RNF185: variants seen among roughly 807,000 people sequenced by gnomAD.
The protein encoded by RNF185 is E3 ubiquitin-protein ligase RNF185.
A neutral mutation model predicts 24.9 loss-of-function variants in RNF185; 13 were observed. That is an observed-to-expected ratio of 0.52 (90% CI 0.34 to 0.83). The LOEUF (loss-of-function observed/expected upper bound fraction) is 0.83, where lower values mean the gene tolerates loss of function less well. RNF185 is among the 40% of genes least tolerant of loss of function. The probability of loss-of-function intolerance (pLI) is 0.01; values close to 1 mark genes in which losing one functional copy is unlikely to be tolerated. For missense variants in RNF185, 184 were observed against 244.7 expected, an observed-to-expected ratio of 0.75 and a Z score of 1.65; for synonymous variants, 79 against 90.3, an observed-to-expected ratio of 0.88 and a Z score of 0.71.
intron 1 of RNF185, among the ~76,000 whole-genome samples, chr22:31,180,981 A>C (rs2048030952): frequency 6.7e-6 from 1 of 149,122 alleles, no homozygotes; most frequent in African/African-American, 2.5e-5. Flanking sequence ...CTGTGTATGG[A>C]TCCACACACA....
intron 3 of RNF185, among the ~76,000 whole-genome samples, chr22:31,193,678 G>A (rs1408486627): frequency 2.0e-5 from 3 of 151,536 alleles, no homozygotes; most frequent in Non-Finnish European, 2.9e-5. Context: ...CCTATAGTCC[G>A]AGCTACTAGG....
rs572669816 is a variant in RNF185 at position 31,189,206 on chromosome 22, T to C, written c.176+1936T>C. On this transcript the variant is annotated intron_variant, in intron 2 of 6. Coordinates refer to ENST00000326132, the MANE Select transcript of RNF185 (RefSeq NM_152267.4). The stretch of plus-strand genomic sequence containing the variant: ...ATTTATTAAATTTTATAATTATAAA[T>C]TTTAAGATTATAAATTATGTATTTT... Among the ~76,000 whole-genome samples the C allele has an allele frequency of 1.7e-3, 259 of 148,596 alleles. 1 individual carries two copies. Among genetic ancestry groups the C allele is most frequent in the South Asian group, 3.6e-3 (17 of 4,758 alleles).
chr22:31,171,002 T>G (rs1370482090), intron 1 of RNF185, among the ~76,000 whole-genome samples: 1 of 152,050 alleles, frequency 6.6e-6, no homozygotes, highest in Non-Finnish European at 1.5e-5. Flanking sequence ...GAGTGGATCC[T>G]GGGCAAAGCC....
At chr22:31,175,453 A>AG (rs11380460) in intron 1 of RNF185, among the ~76,000 whole-genome samples, 1 of 112,832 alleles carries the variant, frequency 8.9e-6, no homozygotes, top group East Asian at 5.9e-4. Context: ...AAACTGTCTC[A>AG]AAAAAAAAAA....
At chr22:31,195,405 G>GCT in intron 3 of RNF185, 64 bp from the exon 4 acceptor site, 1 of 1,096,430 alleles carries the variant, frequency 9.1e-7, no homozygotes, top group Non-Finnish European at 1.3e-6. Flanking sequence ...TGTTCTGGTG[G>GCT]CTCTGGCTGA....
chr22:31,175,274 A>G (rs533500600), intron 1 of RNF185, among the ~76,000 whole-genome samples: 1 of 151,734 alleles, frequency 6.6e-6, no homozygotes, highest in African/African-American at 2.4e-5. Context: ...GCATGGCGAA[A>G]CCCCATCTCT....
rs1420962769 is a variant in RNF185 at position 31,187,322 on chromosome 22, C to G, written c.176+52C>G. 3 of 1,601,160 alleles carry G rather than the reference C, an allele frequency of 1.9e-6. No homozygotes were observed. The African/African-American group carries it at 4.0e-5, about 21-fold the overall frequency. ...GAGCACATTGCCAAGTTTGGAAAGC[C>G]TGTGGCCCTGGGTGGTTTGGAGCAG... On this transcript the variant is annotated intron_variant, in intron 2 of 6. Transcript: ENST00000326132.
At position 31,187,241 on chromosome 22, in the gene RNF185, C is replaced by T. The variant is rs773487097; in HGVS notation, c.147C>T (p.Ala49=). Residue 49 remains alanine (A), a synonymous_variant, in exon 2 of 7, where the codon GCC becomes GCT. Transcript: ENST00000326132. ...TCTGCTTGGACACAGCCAAGGATGC[C>T]GTCATCAGCCTGTGTGGCCACCTCT... The part of the protein sequence containing the change: ...CNICLDTAKD[A]VISLCGHLFC... 31 of 1,613,930 alleles carry T rather than the reference C, an allele frequency of 1.9e-5. No individual in the cohort carries two copies. Among genetic ancestry groups the T allele is most frequent in the South Asian group, 1.3e-4 (12 of 91,068 alleles).
intron 1 of RNF185, among the ~76,000 whole-genome samples, chr22:31,176,199 T>G (rs1212973348): frequency 2.0e-5 from 3 of 152,216 alleles, no homozygotes; most frequent in Admixed American, 6.5e-5. Context: ...TTGACCTCTT[T>G]TTTTGGTATC....
chr22:31,165,980 A>G lies in RNF185; in HGVS notation c.-49+5677A>G, dbSNP rs974320801. Among the ~76,000 whole-genome samples the G allele has an allele frequency of 7.2e-5, 11 of 151,942 alleles. No individual in the cohort carries two copies. In the East Asian group the frequency reaches 1.9e-3, roughly 27 times the overall value. On this transcript the variant is annotated intron_variant, in intron 1 of 6. Coordinates refer to ENST00000326132, the MANE Select transcript of RNF185 (RefSeq NM_152267.4). The stretch of plus-strand genomic sequence containing the variant: ...CAGTAATGTAAATTGTGAAAGTAGT[A>G]TGTGCTTATTTTATTATTATTTTTT...
intron 1 of RNF185, among the ~76,000 whole-genome samples, chr22:31,180,896 A>C (rs1355836317): frequency 7.0e-6 from 1 of 142,636 alleles, no homozygotes; most frequent in Non-Finnish European, 1.5e-5. Flanking sequence ...TGTATTTTCT[A>C]GGCATTTTCT....
intron 1 of RNF185, among the ~76,000 whole-genome samples, chr22:31,163,306 T>G (rs761723722): frequency 3.4e-4 from 51 of 151,938 alleles, no homozygotes; most frequent in Non-Finnish European, 6.9e-4. Flanking sequence ...GAAAAAAAAT[T>G]GCCAATTCCT....
chr22:31,182,155 AG>A (rs1296876018), intron 1 of RNF185, among the ~76,000 whole-genome samples: 1 of 135,556 alleles, frequency 7.4e-6, no homozygotes, highest in Admixed American at 8.3e-5. Context: ...TCTGTCACCC[AG>A]GCTGGAGTGC....
chr22:31,164,675 C>G (rs944690337), intron 1 of RNF185, among the ~76,000 whole-genome samples: 5 of 151,536 alleles, frequency 3.3e-5, no homozygotes, highest in Non-Finnish European at 5.9e-5. Context: ...TGCAACCCCC[C>G]TCCCGGGTTC....
intron 2 of RNF185, among the ~76,000 whole-genome samples, chr22:31,191,827 CAAAAAAA>C (rs71784545): frequency 1.6e-5 from 1 of 64,356 alleles, no homozygotes; most frequent in Non-Finnish European, 3.5e-5. Flanking sequence ...AACTTCGTCT[CAAAAAAA>C]AAAAAAAAAA....
intron 4 of RNF185, 85 bp from the exon 5 acceptor site, chr22:31,196,851 C>T: frequency 1.3e-6 from 2 of 1,567,762 alleles, no homozygotes; most frequent in East Asian, 2.3e-5. Context: ...TGGCCCTGAC[C>T]CTGTTGGTAA....
chr22:31,191,223 C>G (rs2048153059), intron 2 of RNF185, among the ~76,000 whole-genome samples: 1 of 152,208 alleles, frequency 6.6e-6, no homozygotes, highest in African/African-American at 2.4e-5. Context: ...CTCCACTTCT[C>G]CCCTAGAGTC....
intron 5 of RNF185, among the ~76,000 whole-genome samples, chr22:31,198,395 T>A (rs1219212199): frequency 2.8e-4 from 3 of 10,602 alleles, no homozygotes; most frequent in African/African-American, 4.4e-3. Context: ...CTTTGCACAC[T>A]TTTTTTTTTT....
intron 1 of RNF185, among the ~76,000 whole-genome samples, chr22:31,175,926 A>G (rs148354635): frequency 5.8e-4 from 89 of 152,186 alleles, no homozygotes; most frequent in African/African-American, 2.0e-3. Flanking sequence ...TGGACCTTTC[A>G]CATCTTTTAT....
Sources: gnomAD v4.1 joint callset for allele counts (sites outside exome capture counted in the v4.1 genomes callset) on GRCh38, gnomAD v4.1.1 for gene constraint, MANE v1.5 for transcripts, NCBI Gene and HGNC (gene_info 2026-07-23, HGNC 2026-07-21) for gene names.